Variants in MED12L observed in about 807,000 individuals in gnomAD.
The protein encoded by MED12L is mediator complex subunit 12L, also known as mediator of RNA polymerase II transcription subunit 12-like protein.
A neutral mutation model predicts 281.3 loss-of-function variants in MED12L; 60 were observed. The ratio of observed to expected loss-of-function variants is 0.21; its 90% CI spans 0.17 to 0.26. MED12L has a LOEUF of 0.26. MED12L is among the 10% of genes least tolerant of loss of function. MED12L has a pLI of 1.00. For synonymous variants in MED12L, 974 were observed against 987.2 expected (o/e 0.99, Z 0.25); for missense variants, 2,146 against 2,680.9 (o/e 0.80, Z 4.41).
At chr3:151,236,042 T>TA (rs1424436084) in intron 16 of MED12L, among the ~76,000 whole-genome samples, 1 of 152,184 alleles carries the variant, frequency 6.6e-6, no homozygotes, top group Non-Finnish European at 1.5e-5. Flanking sequence ...TTTTTTAACT[T>TA]ATTCTCCTCT....
At chr3:151,260,679 A>T (rs984933700) in intron 16 of MED12L, among the ~76,000 whole-genome samples, 4 of 152,302 alleles carry the variant, frequency 2.6e-5, no homozygotes. Flanking sequence ...GACATTTTAC[A>T]TAAGTACAGC....
At chr3:151,367,852 T>A in intron 24 of MED12L, 86 bp downstream of exon 24, 1 of 1,428,144 alleles carries the variant, frequency 7.0e-7, no homozygotes, top group Non-Finnish European at 9.6e-7. Context: ...GGGAAAGGAG[T>A]ATTTGAGGGT....
At position 151,185,434 on chromosome 3, in the gene MED12L, G is replaced by T; in HGVS notation, c.1599G>T (p.Glu533Asp). The change falls in exon 12 of 45, where the codon GAG (glutamate) becomes GAT (aspartate). Residue 533 changes from glutamate to aspartate, a missense_variant. Around this residue, in one of 9 missense-constraint regions of MED12L, gnomAD observed 722 missense variants for 861.2 expected, o/e 0.84. Coordinates refer to ENST00000687756, the MANE Select transcript of MED12L (RefSeq NM_001393769.1). ...HRAMAVAKLL[E>D]KRQAEIEAER... Reference sequence around the variant, plus strand: ...CCATGGCTGTGGCAAAACTCCTGGAGAAGAGGCAAGCAGAAATTGAGGCAG... The same window carrying T: ...CCATGGCTGTGGCAAAACTCCTGGATAAGAGGCAAGCAGAAATTGAGGCAG... 6.2e-7 allele frequency: 1 copy of T among 1,613,994 alleles called. No homozygotes were observed. The highest frequency in any genetic ancestry group is 8.5e-7 in the Non-Finnish European group (1 of 1,179,986).
At chr3:151,328,570 C>T (rs774157290) in intron 16 of MED12L, 31 of 1,613,420 alleles carry the variant, frequency 1.9e-5, no homozygotes, top group East Asian at 1.1e-4. Context: ...AGATTGAGAC[C>T]GTTTTTGCAA....
At chr3:151,356,683 A>G (rs1411299123) in intron 19 of MED12L, among the ~76,000 whole-genome samples, 2 of 151,976 alleles carry the variant, frequency 1.3e-5, no homozygotes, top group African/African-American at 4.8e-5. Flanking sequence ...TGAAGCAAAG[A>G]TGAAAGTTTA....
At position 151,245,303 on chromosome 3, in the gene MED12L, A is replaced by G. The variant is rs202037968; in HGVS notation, c.2250+51637A>G. Among the ~76,000 whole-genome samples, 39 of 152,166 alleles carry G rather than the reference A, an allele frequency of 2.6e-4. No homozygotes were observed. The East Asian group carries it at 6.9e-3, about 27-fold the overall frequency. On this transcript the variant is annotated intron_variant, in intron 16 of 44. Transcript: ENST00000687756. ...CATCATTCTGATACCAAAGCTGGGC[A>G]GAGACACAACCAACAAAGAGAATTT...
chr3:151,328,590 T>G (rs368920684), intron 16 of MED12L: 96 of 1,613,826 alleles, frequency 5.9e-5, no homozygotes, highest in Non-Finnish European at 4.8e-5. Flanking sequence ...AAAACAGGTT[T>G]TTTTAGAAAA....
At chr3:151,340,527 G>A (rs891302360) in intron 16 of MED12L, 1 of 152,488 alleles carries the variant, frequency 6.6e-6, no homozygotes, top group Non-Finnish European at 1.5e-5. Context: ...GAGAAACTTG[G>A]AAAAAATGTA....
chr3:151,190,260 C>T (rs1219419948), intron 13 of MED12L, among the ~76,000 whole-genome samples: 3 of 151,962 alleles, frequency 2.0e-5, no homozygotes, highest in African/African-American at 2.4e-5. Flanking sequence ...CAACCTCCGC[C>T]TCCCGGGTTC....
intron 5 of MED12L, among the ~76,000 whole-genome samples, chr3:151,155,518 A>C (rs1719157095): frequency 6.6e-6 from 1 of 152,194 alleles, no homozygotes; most frequent in Admixed American, 6.5e-5. Flanking sequence ...AGAATAATTG[A>C]AGATCCAGAT....
chr3:151,313,806 C>G (rs1397507234), intron 16 of MED12L, among the ~76,000 whole-genome samples: 1 of 152,042 alleles, frequency 6.6e-6, no homozygotes, highest in Non-Finnish European at 1.5e-5. Context: ...CGCCTATAAT[C>G]CCAGCCACTT....
chr3:151,382,178 G>A (rs554985459), intron 32 of MED12L, among the ~76,000 whole-genome samples: 2 of 152,098 alleles, frequency 1.3e-5, no homozygotes, highest in African/African-American at 2.4e-5. Flanking sequence ...TCAAAGTACC[G>A]TGCGTTCTCT....
At chr3:151,318,858 T>C (rs1748630818) in intron 16 of MED12L, among the ~76,000 whole-genome samples, 1 of 152,152 alleles carries the variant, frequency 6.6e-6, no homozygotes, top group African/African-American at 2.4e-5. Context: ...TGTGTGATGG[T>C]GTTAAGTAGG....
chr3:151,306,130 C>G (rs1391080664), intron 16 of MED12L, among the ~76,000 whole-genome samples: 1 of 152,208 alleles, frequency 6.6e-6, no homozygotes, highest in East Asian at 1.9e-4. Context: ...TACTTAACCT[C>G]TATAGATCCC....
chr3:151,357,009 G>C (rs904883099), intron 19 of MED12L, among the ~76,000 whole-genome samples: 2 of 152,054 alleles, frequency 1.3e-5, no homozygotes, highest in African/African-American at 2.4e-5. Flanking sequence ...TCAGCACTGG[G>C]TACTTCCTAA....
At chr3:151,325,792 C>T (rs969499609) in intron 16 of MED12L, among the ~76,000 whole-genome samples, 1 of 152,108 alleles carries the variant, frequency 6.6e-6, no homozygotes, top group Non-Finnish European at 1.5e-5. Context: ...TTGAAATTGT[C>T]ATTAGAGGCA....
intron 5 of MED12L, among the ~76,000 whole-genome samples, chr3:151,153,864 C>T (rs573429626): frequency 1.3e-5 from 2 of 152,240 alleles, no homozygotes; most frequent in African/African-American, 2.4e-5. Flanking sequence ...CTACCTCACC[C>T]GGCCTTCTGT....
intron 16 of MED12L, among the ~76,000 whole-genome samples, chr3:151,211,372 T>G (rs1025747832): frequency 1.3e-5 from 2 of 150,528 alleles, no homozygotes; most frequent in Non-Finnish European, 2.9e-5. Context: ...CCTTTGTTTT[T>G]TTTTTTTGTT....
At chr3:151,356,113 C>A in intron 19 of MED12L, 74 bp downstream of exon 19, 1 of 1,456,206 alleles carries the variant, frequency 6.9e-7, no homozygotes, top group South Asian at 1.3e-5. Flanking sequence ...TAAAGTGAGC[C>A]AATTAGCTGG....
Sources: allele counts gnomAD v4.1 joint callset (sites outside exome capture counted in the v4.1 genomes callset), GRCh38; gene constraint gnomAD v4.1.1; regional missense constraint gnomAD v4.1.1; transcripts MANE v1.5; gene names NCBI Gene and HGNC (gene_info 2026-07-23, HGNC 2026-07-21).